Variants in LRRK2 observed in about 807,000 individuals in gnomAD.
LRRK2 encodes the protein leucine rich repeat kinase 2.
Under a neutral mutation model 302.6 loss-of-function variants are expected in LRRK2, and 203 were observed. The ratio of observed to expected loss-of-function variants is 0.67; its 90% CI spans 0.60 to 0.75. LRRK2 has a LOEUF of 0.75. Among genes scored for constraint, LRRK2 ranks in the 30% least tolerant of loss-of-function variants. The pLI is 0.00. For synonymous variants in LRRK2, 1,066 were observed against 1,031.9 expected, an observed-to-expected ratio of 1.03 and a Z score of -0.63; for missense variants, 2,830 against 2,951.0, an observed-to-expected ratio of 0.96 and a Z score of 0.95.
At chr12:40,356,073 T>C in intron 45 of LRRK2, 42 bp from the exon 46 acceptor site, 1 of 1,405,784 alleles carries the variant, frequency 7.1e-7, no homozygotes. Context: ...TTAGTCAACA[T>C]ACATGTTCTT....
intron 17 of LRRK2, 29 bp downstream of exon 17, chr12:40,278,045 T>A (rs1329462685): frequency 6.2e-7 from 1 of 1,613,744 alleles, no homozygotes; most frequent in East Asian, 2.2e-5. Context: ...GCATCCTAAA[T>A]GTTATGTATT....
intron 27 of LRRK2, among the ~76,000 whole-genome samples, chr12:40,305,558 G>A (rs1189009972): frequency 6.6e-6 from 1 of 152,226 alleles, no homozygotes; most frequent in Admixed American, 6.5e-5. Flanking sequence ...TATTACAGAT[G>A]AGTGACATAG....
At chr12:40,350,303 G>A (rs1370229597) in intron 43 of LRRK2, among the ~76,000 whole-genome samples, 8 of 152,154 alleles carry the variant, frequency 5.3e-5, no homozygotes, top group Non-Finnish European at 1.0e-4. Context: ...CTTTGTCTTG[G>A]CAGACAAATG....
chr12:40,342,118 A>G (rs1367066071), intron 41 of LRRK2, among the ~76,000 whole-genome samples: 2 of 152,136 alleles, frequency 1.3e-5, no homozygotes, highest in Non-Finnish European at 2.9e-5. Flanking sequence ...CTGTTGTTGA[A>G]GCCTTGTCTG....
chr12:40,280,628 A>AAAATAAAATG (rs1943648907), intron 18 of LRRK2, among the ~76,000 whole-genome samples: 1 of 147,888 alleles, frequency 6.8e-6, no homozygotes, highest in Non-Finnish European at 1.5e-5. Flanking sequence ...CTGTTAAAAT[A>AAAATAAAATG]AAATAAAATA....
At chr12:40,322,209 A>ATT in intron 36 of LRRK2, 28 bp downstream of exon 36, 1 of 1,592,656 alleles carries the variant, frequency 6.3e-7, no homozygotes, top group South Asian at 1.1e-5. Flanking sequence ...AATGTTTTCA[A>ATT]TTGCAACACT....
chr12:40,341,016 A>G (rs1421751160), intron 41 of LRRK2, among the ~76,000 whole-genome samples: 1 of 152,144 alleles, frequency 6.6e-6, no homozygotes, highest in African/African-American at 2.4e-5. Flanking sequence ...GCTGGCCGTG[A>G]CCCTACTGAG....
intron 39 of LRRK2, among the ~76,000 whole-genome samples, chr12:40,333,126 C>T (rs1488319955): frequency 6.6e-6 from 1 of 151,958 alleles, no homozygotes; most frequent in African/African-American, 2.4e-5. Context: ...TGGATTAGAC[C>T]TCTGTCTGTG....
intron 41 of LRRK2, among the ~76,000 whole-genome samples, chr12:40,345,622 C>CAAAAAAA (rs144415226): frequency 1.9e-3 from 125 of 67,390 alleles, no homozygotes; most frequent in African/African-American, 2.1e-3. Context: ...GACTCCATCT[C>CAAAAAAA]AAAAAAAAAA....
intron 3 of LRRK2, among the ~76,000 whole-genome samples, chr12:40,235,407 T>G (rs1941404754): frequency 6.6e-6 from 1 of 152,130 alleles, no homozygotes; most frequent in African/African-American, 2.4e-5. Flanking sequence ...GCCCAGGAGT[T>G]TGAGGTTTCA....
intron 3 of LRRK2, among the ~76,000 whole-genome samples, chr12:40,234,752 C>A (rs1941373596): frequency 2.0e-5 from 3 of 152,022 alleles, no homozygotes; most frequent in Non-Finnish European, 2.9e-5. Context: ...CAAATGAATT[C>A]TTAATTTATA....
chr12:40,293,357 T>C (rs1310078155), intron 20 of LRRK2, among the ~76,000 whole-genome samples, 188 bp from the exon 21 acceptor site: 1 of 152,020 alleles, frequency 6.6e-6, no homozygotes, highest in Non-Finnish European at 1.5e-5. Flanking sequence ...TGTTGTTGAA[T>C]TTTTAAAGTG....
At chr12:40,250,467 G>A (rs1173331221) in intron 8 of LRRK2, among the ~76,000 whole-genome samples, 2 of 152,184 alleles carry the variant, frequency 1.3e-5, no homozygotes, top group Non-Finnish European at 2.9e-5. Flanking sequence ...TCCAGCCTGG[G>A]CAACAAGAAT....
intron 3 of LRRK2, among the ~76,000 whole-genome samples, chr12:40,234,050 G>C (rs1387111473): frequency 1.3e-5 from 2 of 152,154 alleles, no homozygotes; most frequent in Non-Finnish European, 2.9e-5. Context: ...CAGTACTGAA[G>C]AAAAATTTCT....
intron 50 of LRRK2, chr12:40,367,315 C>T (rs1946908882): frequency 1.5e-5 from 7 of 454,490 alleles, no homozygotes; most frequent in South Asian, 6.4e-5. Flanking sequence ...CAACCTTAAA[C>T]GAAATGTGAA....
At chr12:40,245,622 T>C (rs545675257) in intron 7 of LRRK2, among the ~76,000 whole-genome samples, 3 of 152,266 alleles carry the variant, frequency 2.0e-5, no homozygotes, top group Admixed American at 6.5e-5. Flanking sequence ...GCACAAAATA[T>C]GTGGATCATT....
chr12:40,355,086 C>T (rs1592333114), intron 45 of LRRK2, among the ~76,000 whole-genome samples: 1 of 151,942 alleles, frequency 6.6e-6, no homozygotes, highest in Admixed American at 6.6e-5. Context: ...TTCCAGGAGG[C>T]ATTAAGATTA....
intron 47 of LRRK2, among the ~76,000 whole-genome samples, chr12:40,361,304 C>T (rs1436544491): frequency 6.6e-6 from 1 of 151,996 alleles, no homozygotes; most frequent in African/African-American, 2.4e-5. Context: ...TTCTGTAATA[C>T]CCACATTTTA....
At chr12:40,312,143 T>C (rs941695131) in intron 31 of LRRK2, among the ~76,000 whole-genome samples, 7 of 152,116 alleles carry the variant, frequency 4.6e-5, no homozygotes, top group Non-Finnish European at 8.8e-5. Flanking sequence ...ACAGATAAGA[T>C]GGTTCATTAA....
Sources: allele counts gnomAD v4.1 joint callset (sites outside exome capture counted in the v4.1 genomes callset), GRCh38; gene constraint gnomAD v4.1.1; transcripts MANE v1.5; gene names NCBI Gene and HGNC (gene_info 2026-07-23, HGNC 2026-07-21).